FASTKD1: variants seen among roughly 807,000 people sequenced by gnomAD.
FASTKD1 encodes the protein FAST kinase domain-containing protein 1, mitochondrial.
Under a neutral mutation model 90.9 loss-of-function variants are expected in FASTKD1, and 94 were observed. That is an observed-to-expected ratio of 1.03 (90% confidence interval 0.88 to 1.23). The LOEUF (loss-of-function observed/expected upper bound fraction) is 1.23. Among genes scored for constraint, FASTKD1 ranks in the 50% most tolerant of loss-of-function variants. The probability of loss-of-function intolerance (pLI) is 0.00; values close to 1 mark genes in which losing one functional copy is unlikely to be tolerated. For missense variants in FASTKD1, 945 were observed against 993.5 expected (o/e 0.95, Z 0.66); for synonymous variants, 319 against 345.8 (o/e 0.92, Z 0.86).
chr2:169,556,670 C>T (rs1683330249), intron 6 of FASTKD1, among the ~76,000 whole-genome samples: 1 of 151,626 alleles, frequency 6.6e-6, no homozygotes, highest in Non-Finnish European at 1.5e-5. Flanking sequence ...CTAAAAAATA[C>T]AAAAATTAGC....
intron 10 of FASTKD1, among the ~76,000 whole-genome samples, chr2:169,539,238 C>T (rs1684861602): frequency 6.6e-6 from 1 of 151,080 alleles, no homozygotes; most frequent in African/African-American, 2.4e-5. Flanking sequence ...AGCCACTGCA[C>T]TCCAGCCTGG....
intron 4 of FASTKD1, among the ~76,000 whole-genome samples, chr2:169,561,864 T>C (rs1683661384): frequency 5.1e-5 from 1 of 19,498 alleles, no homozygotes; most frequent in African/African-American, 1.2e-4. Flanking sequence ...TATTGTAAAA[T>C]AATTATTTAT....
At chr2:169,561,866 ATTATTTATTAATTTATTGTAAATTAT>A (rs1184649869) in intron 4 of FASTKD1, among the ~76,000 whole-genome samples, 30 of 133,832 alleles carry the variant, frequency 2.2e-4, no homozygotes, top group Non-Finnish European at 3.3e-4. Context: ...TTGTAAAATA[ATTATTTATTAATTTATTGTAAATTAT>A]TTATTATAAA....
At chr2:169,536,274 G>A (rs1468022734) in intron 12 of FASTKD1, among the ~76,000 whole-genome samples, 1 of 152,096 alleles carries the variant, frequency 6.6e-6, no homozygotes, top group African/African-American at 2.4e-5. Flanking sequence ...CTTGCTCAAG[G>A]ATTGAAATCC....
chr2:169,556,306 C>T (rs1296366322), intron 6 of FASTKD1, among the ~76,000 whole-genome samples: 1 of 151,644 alleles, frequency 6.6e-6, no homozygotes, highest in East Asian at 1.9e-4. Context: ...CATGGCGACA[C>T]GTGCCTGTAG....
At chr2:169,551,475 G>C (rs941751655) in intron 7 of FASTKD1, among the ~76,000 whole-genome samples, 1 of 152,064 alleles carries the variant, frequency 6.6e-6, no homozygotes, top group African/African-American at 2.4e-5. Context: ...CATAAACTTA[G>C]TATTGAGCAA....
chr2:169,539,473 T>C (rs538107912), intron 10 of FASTKD1, among the ~76,000 whole-genome samples: 1 of 149,426 alleles, frequency 6.7e-6, no homozygotes, highest in East Asian at 2.0e-4. Flanking sequence ...TTTAACAAAT[T>C]AAAATTAAAT....
Position 169,546,415 on chromosome 2 carries a change from T to C in FASTKD1, c.1504A>G (p.Lys502Glu), listed in dbSNP as rs767335965. Residue 502 changes from lysine (K) to glutamate (E), a missense_variant, in exon 8 of 15, where the codon AAG (lysine) becomes GAG (glutamate). Coordinates refer to ENST00000453153, the MANE Select transcript of FASTKD1 (RefSeq NM_024622.6). ...QHSNSLDLLR[K>E]ELKSLKGNTF... ...TTTCCTTTGAGAGATTTAAGTTCCT[T>C]CCGTAACAGATCCAAACTGTTGCTG... The C allele has an allele frequency of 5.6e-6, 9 of 1,614,094 alleles. No individual in the cohort carries two copies. The highest frequency in any genetic ancestry group is 7.6e-6 in the Non-Finnish European group (9 of 1,180,042).
intron 9 of FASTKD1, among the ~76,000 whole-genome samples, chr2:169,542,377 A>G (rs1240674735): frequency 6.6e-6 from 1 of 152,216 alleles, no homozygotes; most frequent in Non-Finnish European, 1.5e-5. Flanking sequence ...TGAGAAGAAA[A>G]GTCTCATAAA....
chr2:169,548,731 C>CA (rs58560988), intron 7 of FASTKD1, among the ~76,000 whole-genome samples: 2,215 of 35,522 alleles, frequency 0.062, 172 homozygotes, highest in East Asian at 0.2. Flanking sequence ...GACTCCGCCT[C>CA]AAAAAAAAAA....
At chr2:169,543,612 C>A (rs1475211471) in intron 9 of FASTKD1, among the ~76,000 whole-genome samples, 3 of 152,104 alleles carry the variant, frequency 2.0e-5, no homozygotes, top group African/African-American at 7.2e-5. Flanking sequence ...ACCTGAAGTA[C>A]ACAGAGCTGA....
Position 169,565,314 on chromosome 2 carries a change from G to C in FASTKD1, c.447-1964C>G, listed in dbSNP as rs1683920220. Among the ~76,000 whole-genome samples the C allele has an allele frequency of 5.4e-5, 7 of 129,566 alleles. No homozygotes were observed. The South Asian group carries it at 1.7e-3, about 32-fold the overall frequency. The allele number at this position is 129,566 out of a possible 152,430, so 85.0% of individuals were successfully genotyped here. ...GTCTCGCTCTGTCACCCAGGCTGGAGTGCAGTGGCGCGATCTCGGCTCACT... is the reference window on the plus strand; with the variant it reads ...GTCTCGCTCTGTCACCCAGGCTGGACTGCAGTGGCGCGATCTCGGCTCACT... On this transcript the variant is annotated intron_variant, in intron 3 of 14. Transcript: ENST00000453153.
At chr2:169,537,180 T>C in intron 12 of FASTKD1, 47 bp downstream of exon 12, 2 of 1,109,344 alleles carry the variant, frequency 1.8e-6, no homozygotes, top group Non-Finnish European at 2.7e-6. Context: ...TCTATTCAAA[T>C]TAGTTTGATT....
chr2:169,560,337 G>C (rs779349346), intron 5 of FASTKD1, 50 bp downstream of exon 5: 6 of 1,439,686 alleles, frequency 4.2e-6, no homozygotes, highest in African/African-American at 2.9e-5. Context: ...AAGCTTGAAG[G>C]CTCCACGTAT....
At chr2:169,562,721 A>G (rs74570528) in intron 4 of FASTKD1, among the ~76,000 whole-genome samples, 1 of 152,194 alleles carries the variant, frequency 6.6e-6, no homozygotes, top group Non-Finnish European at 1.5e-5. Flanking sequence ...AGCCTAGGAG[A>G]ATAGAGATAA....
intron 12 of FASTKD1, 145 bp downstream of exon 12, chr2:169,537,076 ATTGCTC>A (rs2105338352): frequency 1.9e-6 from 1 of 537,724 alleles, no homozygotes; most frequent in East Asian, 3.4e-5. Flanking sequence ...GATTTATTCT[ATTGCTC>A]TTTCTATCTC....
chr2:169,558,777 C>T (rs371616078), intron 5 of FASTKD1, among the ~76,000 whole-genome samples: 5 of 150,818 alleles, frequency 3.3e-5, no homozygotes, highest in Non-Finnish European at 7.4e-5. Flanking sequence ...TTAGTAGAGT[C>T]GGGGTTTCAC....
Position 169,571,645 on chromosome 2 carries a change from T to G in FASTKD1, c.377+8A>C, listed in dbSNP as rs781702984. On this transcript the variant is annotated splice_region_variant and intron_variant, in intron 2 of 14. Transcript: ENST00000453153. ...TCATTCCATAAAATATAAAAGTAAA[T>G]TACTTACTGTTGTGTGACGTATAAC... The G allele has an allele frequency of 6.7e-7, 1 of 1,488,610 alleles. No homozygotes were observed. The highest frequency in any genetic ancestry group is 9.1e-7 in the Non-Finnish European group (1 of 1,094,440). The allele number at this position is 1,488,610 out of a possible 1,614,324, so 92.2% of individuals were successfully genotyped here.
At chr2:169,562,576 T>G (rs1683753327) in intron 4 of FASTKD1, among the ~76,000 whole-genome samples, 1 of 152,152 alleles carries the variant, frequency 6.6e-6, no homozygotes, top group South Asian at 2.1e-4. Flanking sequence ...GTTTACTTCA[T>G]GATATAATAA....
Sources: gnomAD v4.1 joint callset for allele counts (sites outside exome capture counted in the v4.1 genomes callset) on GRCh38, gnomAD v4.1.1 for gene constraint, MANE v1.5 for transcripts, NCBI Gene and HGNC (gene_info 2026-07-23, HGNC 2026-07-21) for gene names.